Variants in NCOA2 observed in about 807,000 individuals in gnomAD.
NCOA2 encodes the protein nuclear receptor coactivator 2, also known as class E basic helix-loop-helix protein 75.
In NCOA2, 21 loss-of-function variants were observed where a neutral mutation model predicts 145.1. That is an observed-to-expected ratio of 0.14 (90% CI 0.10 to 0.21). NCOA2 has a LOEUF of 0.21. NCOA2 is among the 10% of genes least tolerant of loss of function. NCOA2 has a pLI of 1.00. For synonymous variants in NCOA2, 619 were observed against 637.5 expected (o/e 0.97, Z 0.44); for missense variants, 1,472 against 1,837.6 (o/e 0.80, Z 3.64).
the NCOA2 span, among the ~76,000 whole-genome samples, chr8:70,454,302 A>C: frequency 6.6e-6 from 1 of 152,240 alleles, no homozygotes. Context: ...AGTCACGCTC[A>C]TGACAGCTCG....
At chr8:70,360,711 G>A (rs1321354244) in intron 1 of NCOA2, among the ~76,000 whole-genome samples, 2 of 152,170 alleles carry the variant, frequency 1.3e-5, no homozygotes, top group African/African-American at 4.8e-5. Flanking sequence ...GCTGAGGTGG[G>A]CAGATCACCT....
the NCOA2 span, among the ~76,000 whole-genome samples, chr8:70,455,625 G>C: frequency 3.5e-3 from 532 of 150,416 alleles, 4 homozygotes; most frequent in African/African-American, 0.013. Flanking sequence ...TGGTCACTTT[G>C]GTCTCTACAA....
chr8:70,320,924 T>C (rs1249559372), intron 1 of NCOA2, among the ~76,000 whole-genome samples: 1 of 152,222 alleles, frequency 6.6e-6, no homozygotes, highest in African/African-American at 2.4e-5. Flanking sequence ...TCTACAAATA[T>C]ATAACTTTCT....
chr8:70,451,236 AAAT>A, the NCOA2 span, among the ~76,000 whole-genome samples: 4 of 108,510 alleles, frequency 3.7e-5, no homozygotes, highest in East Asian at 2.3e-4. Flanking sequence ...AAAAAAAAAA[AAAT>A]ATATATATAT....
rs149188679 is a variant in NCOA2 at position 70,127,681 on chromosome 8, T to C, written c.3682-634A>G. Among the ~76,000 whole-genome samples the C allele has an allele frequency of 7.9e-5, 12 of 152,274 alleles. No individual in the cohort carries two copies. In the East Asian group the frequency reaches 1.9e-3, roughly 24 times the overall value. On this transcript the variant is annotated intron_variant, in intron 18 of 22. Coordinates refer to ENST00000452400, the MANE Select transcript of NCOA2 (RefSeq NM_006540.4). ...ATTTATGAATTCCACATTTCTGAAG[T>C]TGCCTACTCAGTAAAATTTATTTGT... is the stretch of plus-strand genomic sequence containing the variant.
At chr8:70,355,528 C>T (rs1243164267) in intron 1 of NCOA2, among the ~76,000 whole-genome samples, 1 of 152,162 alleles carries the variant, frequency 6.6e-6, no homozygotes, top group Non-Finnish European at 1.5e-5. Context: ...CTGAATGTAG[C>T]CCAACACAAA....
chr8:70,383,599 G>A lies in NCOA2; in HGVS notation c.-77+20101C>T, dbSNP rs188649245. ...CAGCTCACTGCAACCTCTGCCTCCTGGGTTCAAGCGATTCTCCTGCCTCAG... is the reference window on the plus strand; with the variant it reads ...CAGCTCACTGCAACCTCTGCCTCCTAGGTTCAAGCGATTCTCCTGCCTCAG... On this transcript the variant is annotated intron_variant, in intron 1 of 22. Coordinates refer to ENST00000452400, the MANE Select transcript of NCOA2 (RefSeq NM_006540.4). Among the ~76,000 whole-genome samples the A allele has an allele frequency of 7.2e-4, 110 of 152,156 alleles. 2 individuals carry two copies. Among genetic ancestry groups the A allele is most frequent in the African/African-American group, 2.6e-3 (109 of 41,518 alleles).
chr8:70,144,627 C>T lies in NCOA2; in HGVS notation c.2812+15G>A. On this transcript the variant is annotated intron_variant, in intron 13 of 22. Coordinates refer to ENST00000452400, the MANE Select transcript of NCOA2 (RefSeq NM_006540.4). ...ATAACCCACCAATAAAGTAACAGTG[C>T]ATTTGACCCCTTACCTGTGCTACTG... The T allele has an allele frequency of 6.3e-7, 1 of 1,597,160 alleles. No homozygotes were observed. The highest frequency in any genetic ancestry group is 2.2e-5 in the East Asian group (1 of 44,786).
the NCOA2 span, among the ~76,000 whole-genome samples, chr8:70,448,791 G>C: frequency 7.1e-6 from 1 of 140,176 alleles, no homozygotes; most frequent in East Asian, 2.2e-4. Context: ...CATACAATGA[G>C]ACTTGTTGCC....
chr8:70,348,969 G>C (rs138342669), intron 1 of NCOA2, among the ~76,000 whole-genome samples: 32 of 144,872 alleles, frequency 2.2e-4, no homozygotes, highest in African/African-American at 6.8e-4. Context: ...TACTGGCATA[G>C]AAGAGAGGGA....
chr8:70,251,813 G>A (rs1823204370), intron 2 of NCOA2, among the ~76,000 whole-genome samples: 1 of 152,192 alleles, frequency 6.6e-6, no homozygotes, highest in Non-Finnish European at 1.5e-5. Flanking sequence ...GAGCCATCTA[G>A]GCCTGGGAAT....
At chr8:70,180,202 T>A (rs557623319) in intron 4 of NCOA2, among the ~76,000 whole-genome samples, 5 of 152,262 alleles carry the variant, frequency 3.3e-5, no homozygotes, top group Non-Finnish European at 5.9e-5. Flanking sequence ...ATCTCTGATC[T>A]TTTTAGATCT....
intron 2 of NCOA2, among the ~76,000 whole-genome samples, chr8:70,225,579 GAAAAGA>G (rs1375785545): frequency 4.6e-5 from 7 of 150,954 alleles, no homozygotes; most frequent in African/African-American, 7.3e-5. Flanking sequence ...AGAAAGAAAA[GAAAAGA>G]AAAAGAAAAA....
Position 70,124,166 on chromosome 8 carries a change from C to G in NCOA2, c.4095-84G>C. 16 of 1,305,594 alleles carry G rather than the reference C, an allele frequency of 1.2e-5. No individual in the cohort carries two copies. The South Asian group carries it at 2.3e-4, about 19-fold the overall frequency. 80.9% of individuals were successfully genotyped at this position (1,305,594 alleles called of 1,614,324 possible). A position where few individuals can be genotyped will look rare whatever the true frequency, so the allele number is the denominator to read the frequency against. On this transcript the variant is annotated intron_variant, in intron 20 of 22. Coordinates refer to ENST00000452400, the MANE Select transcript of NCOA2 (RefSeq NM_006540.4). ...CAGCTCAGGGCACTTGTTTCTCAGG[C>G]GTTTACTCTGAGTGAATAAACCTGA...
chr8:70,289,675 A>G (rs747551436), intron 2 of NCOA2, among the ~76,000 whole-genome samples: 1 of 152,078 alleles, frequency 6.6e-6, no homozygotes, highest in Non-Finnish European at 1.5e-5. Context: ...ACTTTTTAAA[A>G]AGTAGTGAAA....
At chr8:70,327,018 A>C (rs1039736095) in intron 1 of NCOA2, among the ~76,000 whole-genome samples, 1 of 152,184 alleles carries the variant, frequency 6.6e-6, no homozygotes, top group Non-Finnish European at 1.5e-5. Flanking sequence ...ACCAGCCACT[A>C]ACTCACTTCA....
At chr8:70,314,148 C>T (rs1330860403) in intron 1 of NCOA2, among the ~76,000 whole-genome samples, 2 of 131,028 alleles carry the variant, frequency 1.5e-5, no homozygotes, top group African/African-American at 5.9e-5. Flanking sequence ...CCACTGCACT[C>T]CAGCCTGGGC....
chr8:70,403,311 C>G (rs1814544878), intron 1 of NCOA2, among the ~76,000 whole-genome samples: 1 of 151,380 alleles, frequency 6.6e-6, no homozygotes, highest in South Asian at 2.1e-4. Context: ...CGCCCGCACC[C>G]CCGGCCGCGC....
chr8:70,163,543 C>A lies in NCOA2; in HGVS notation c.754G>T (p.Val252Leu), dbSNP rs1418715894. The change falls in exon 8 of 23, where the codon GTG becomes TTG. Residue 252 changes from valine to leucine, a missense_variant. Val to Leu is a conservative substitution (Grantham distance 32, BLOSUM62 1). Coordinates refer to ENST00000452400, the MANE Select transcript of NCOA2 (RefSeq NM_006540.4). Reference protein sequence around the residue: ...GEDLQSCLICVARRVPMKERP... With the variant: ...GEDLQSCLICLARRVPMKERP... Reference sequence around the variant, plus strand: ...TCCTTCATGGGAACTCTTCTTGCCACGCAAATCAAGCAGGACTGCAAATCT... The same window carrying A: ...TCCTTCATGGGAACTCTTCTTGCCAAGCAAATCAAGCAGGACTGCAAATCT... 2 of 1,613,738 alleles carry A rather than the reference C, an allele frequency of 1.2e-6. No individual in the cohort carries two copies. Among genetic ancestry groups the A allele is most frequent in the Non-Finnish European group, 1.7e-6 (2 of 1,179,764 alleles).
Sources: allele counts gnomAD v4.1 joint callset (sites outside exome capture counted in the v4.1 genomes callset), GRCh38; gene constraint gnomAD v4.1.1; transcripts MANE v1.5; gene names NCBI Gene and HGNC (gene_info 2026-07-23, HGNC 2026-07-21).